Variants in KDM4C observed in about 807,000 individuals in gnomAD.
KDM4C encodes the protein lysine-specific demethylase 4C.
A neutral mutation model predicts 129.3 loss-of-function variants in KDM4C; 81 were observed. The ratio of observed to expected loss-of-function variants is 0.63; its 90% CI spans 0.52 to 0.75. KDM4C has a LOEUF of 0.75. KDM4C is among the 30% of genes least tolerant of loss of function. The pLI is 0.00. For missense variants in KDM4C, 1,457 were observed against 1,304.0 expected (o/e 1.12, Z -1.81); for synonymous variants, 573 against 456.1 (o/e 1.26, Z -3.26).
At chr9:6,936,637 C>A (rs962869461) in intron 8 of KDM4C, among the ~76,000 whole-genome samples, 7 of 152,174 alleles carry the variant, frequency 4.6e-5, no homozygotes, top group African/African-American at 1.7e-4. Context: ...TGAGAATGAG[C>A]CTTCCCATGG....
intron 12 of KDM4C, among the ~76,000 whole-genome samples, chr9:6,992,502 C>A (rs953543236): frequency 6.6e-5 from 10 of 152,220 alleles, no homozygotes; most frequent in African/African-American, 2.4e-4. Flanking sequence ...TTAGAAAAAT[C>A]AGAGAAGTTT....
intron 5 of KDM4C, among the ~76,000 whole-genome samples, chr9:6,874,359 C>G (rs1448270990): frequency 6.6e-6 from 1 of 152,190 alleles, no homozygotes; most frequent in Non-Finnish European, 1.5e-5. Flanking sequence ...GGATTTAAAA[C>G]TTCTTAAAAG....
chr9:7,149,259 G>A (rs1004369982), intron 19 of KDM4C, among the ~76,000 whole-genome samples: 3 of 152,224 alleles, frequency 2.0e-5, no homozygotes, highest in African/African-American at 7.2e-5. Context: ...CGGCTGGGTC[G>A]CTACAGTGCC....
intron 18 of KDM4C, among the ~76,000 whole-genome samples, chr9:7,118,754 T>C (rs1169663852): frequency 6.6e-6 from 1 of 152,192 alleles, no homozygotes; most frequent in Non-Finnish European, 1.5e-5. Context: ...CTACATACAT[T>C]ATTGCATTTG....
chr9:7,038,584 G>C (rs894625461), intron 15 of KDM4C, among the ~76,000 whole-genome samples: 3 of 151,906 alleles, frequency 2.0e-5, no homozygotes, highest in South Asian at 2.1e-4. Flanking sequence ...GATAATTCCA[G>C]TTCCCACCAG....
At chr9:6,936,820 C>T (rs1014867538) in intron 8 of KDM4C, among the ~76,000 whole-genome samples, 1 of 152,210 alleles carries the variant, frequency 6.6e-6, no homozygotes, top group African/African-American at 2.4e-5. Flanking sequence ...AACTTATCTC[C>T]TCTGTGCTTT....
chr9:7,138,121 G>C (rs904334906), intron 19 of KDM4C, among the ~76,000 whole-genome samples: 2 of 152,200 alleles, frequency 1.3e-5, no homozygotes, highest in Admixed American at 1.3e-4. Context: ...AAATGGAGAA[G>C]AGGAATGATA....
intron 19 of KDM4C, among the ~76,000 whole-genome samples, chr9:7,130,644 C>T (rs981708948): frequency 6.6e-6 from 1 of 152,196 alleles, no homozygotes; most frequent in African/African-American, 2.4e-5. Context: ...GTTGCATATG[C>T]CCATGTGGCC....
chr9:7,035,282 A>G (rs4302895), intron 15 of KDM4C, among the ~76,000 whole-genome samples: 17,372 of 86,048 alleles, frequency 0.2, 1,684 homozygotes, highest in African/African-American at 0.3. Context: ...TCAAAGTGCT[A>G]GGATTATAGG....
Position 7,045,259 on chromosome 9 carries a change from T to C in KDM4C, c.2260-1603T>C, listed in dbSNP as rs539764047. Among the ~76,000 whole-genome samples the C allele has an allele frequency of 1.7e-4, 26 of 152,174 alleles. 1 individual carries two copies. The South Asian group carries it at 5.4e-3, about 32-fold the overall frequency. On this transcript the variant is annotated intron_variant, in intron 15 of 21. Transcript: ENST00000381309. ...CTAACTTGTCCCTTTAGGCTTCTTCTCACTGCTACTTTCATTAATCAGACA... is the reference window on the plus strand; with the variant it reads ...CTAACTTGTCCCTTTAGGCTTCTTCCCACTGCTACTTTCATTAATCAGACA...
chr9:6,806,498 A>AAAATAAATAAATAAAT (rs3072002), intron 3 of KDM4C, among the ~76,000 whole-genome samples: 1 of 146,690 alleles, frequency 6.8e-6, no homozygotes, highest in Middle Eastern at 3.2e-3. Flanking sequence ...CCGTCTCGAA[A>AAAATAAATAAATAAAT]AAATAAATAA....
chr9:6,723,062 T>C (rs1740713231), intron 1 of KDM4C, among the ~76,000 whole-genome samples: 1 of 152,122 alleles, frequency 6.6e-6, no homozygotes, highest in African/African-American at 2.4e-5. Flanking sequence ...GTGGTAGGAT[T>C]GAAGCAGCTG....
chr9:6,953,145 C>A (rs1007493244), intron 8 of KDM4C, among the ~76,000 whole-genome samples: 1 of 152,112 alleles, frequency 6.6e-6, no homozygotes, highest in Non-Finnish European at 1.5e-5. Context: ...GGCAGTAGAT[C>A]TTTTTTGTTC....
At chr9:6,874,572 C>CTT (rs201979776) in intron 5 of KDM4C, among the ~76,000 whole-genome samples, 1 of 152,112 alleles carries the variant, frequency 6.6e-6, no homozygotes, top group African/African-American at 2.4e-5. Flanking sequence ...AATTAGATGA[C>CTT]TTTTTTTGTG....
chr9:6,817,308 C>G (rs921741766), intron 4 of KDM4C, among the ~76,000 whole-genome samples: 1 of 148,280 alleles, frequency 6.7e-6, no homozygotes, highest in African/African-American at 2.5e-5. Flanking sequence ...TTCAAGCAGT[C>G]TTCCTGCCTC....
intron 2 of KDM4C, 104 bp downstream of exon 2, chr9:6,793,236 C>T: frequency 8.0e-7 from 1 of 1,245,934 alleles, no homozygotes; most frequent in Admixed American, 2.2e-5. Context: ...AAGAAATTTG[C>T]AAAATCTTTG....
At chr9:7,066,023 T>A (rs1321143278) in intron 17 of KDM4C, among the ~76,000 whole-genome samples, 1 of 151,152 alleles carries the variant, frequency 6.6e-6, no homozygotes, top group Non-Finnish European at 1.5e-5. Context: ...GTAATTGAGA[T>A]CCGCATAAAA....
At chr9:7,105,103 A>G (rs1180722592) in intron 18 of KDM4C, among the ~76,000 whole-genome samples, 8 of 152,206 alleles carry the variant, frequency 5.3e-5, no homozygotes, top group African/African-American at 1.9e-4. Context: ...GAATAGTATT[A>G]TGTATCCAGT....
intron 17 of KDM4C, among the ~76,000 whole-genome samples, chr9:7,057,909 A>G (rs7031252): frequency 0.62 from 94,148 of 152,036 alleles, 29,829 homozygotes; most frequent in Admixed American, 0.68. Flanking sequence ...TTGAGCACGG[A>G]CATCGCATGT....
Sources: gnomAD v4.1 joint callset for allele counts (sites outside exome capture counted in the v4.1 genomes callset) on GRCh38, gnomAD v4.1.1 for gene constraint, MANE v1.5 for transcripts, NCBI Gene and HGNC (gene_info 2026-07-23, HGNC 2026-07-21) for gene names.